RAB27A: variants seen among roughly 807,000 people sequenced by gnomAD.
RAB27A encodes ras-related protein Rab-27A.
In RAB27A, 17 loss-of-function variants were observed where a neutral mutation model predicts 20.8. That is an observed-to-expected ratio of 0.82 (90% confidence interval 0.56 to 1.23). RAB27A has a LOEUF of 1.23. Ranked by LOEUF, RAB27A falls within the 50% of genes most tolerant of loss-of-function variation. The pLI, the probability that RAB27A is intolerant of heterozygous loss-of-function variation, is 0.00. For synonymous variants in RAB27A, 85 were observed against 92.8 expected (o/e 0.92, Z 0.48); for missense variants, 277 against 266.7 (o/e 1.04, Z -0.27).
chr15:55,297,959 T>G (rs1349617744), intron 2 of RAB27A, among the ~76,000 whole-genome samples: 1 of 151,984 alleles, frequency 6.6e-6, no homozygotes, highest in Non-Finnish European at 1.5e-5. Flanking sequence ...TCCCAGCACT[T>G]TGGGAGGCCG....
intron 1 of RAB27A, among the ~76,000 whole-genome samples, chr15:55,280,843 T>C (rs545313937): frequency 6.6e-6 from 1 of 152,300 alleles, no homozygotes; most frequent in Non-Finnish European, 1.5e-5. Context: ...GAACTCATCC[T>C]TTTTTATGGC....
In RAB27A at chr15:55,205,509, A is replaced by T; in HGVS notation, c.664T>A (p.Ter222ArgextTer4). The change falls in exon 7 of 7, where the codon TGA becomes AGA. Residue 222 changes from the stop codon to arginine (R), a stop_lost. Transcript: ENST00000336787. ...TACTATGTCGCTTACTTGACTTCTC[A>T]ACAGCCACATGCCCCTTTCTCCTTT... ...EEKEKGACGC[*>R] is the part of the protein sequence containing the mutation. 2 of 1,613,878 alleles carry T rather than the reference A, an allele frequency of 1.2e-6. No homozygotes were observed. The highest frequency in any genetic ancestry group is 1.7e-6 in the Non-Finnish European group (2 of 1,179,822).
At position 55,203,017 on chromosome 15, in the gene RAB27A, C is replaced by T. The variant is rs1315375991; in HGVS notation, c.*2490G>A. 6.6e-6 allele frequency: 1 copy of T among 152,164 alleles called. No individual in the cohort carries two copies. The highest frequency in any genetic ancestry group is 6.5e-5 in the Admixed American group (1 of 15,276). The allele number at this position is 152,164 out of a possible 1,614,324, so 9.4% of individuals were successfully genotyped here. On this transcript the variant is annotated 3_prime_UTR_variant, in exon 7 of 7. Coordinates refer to ENST00000336787, the MANE Select transcript of RAB27A (RefSeq NM_183235.3). ...TACAGCTTAATTGGCACATGGTTCA[C>T]TGAAGATACACTTCACTTTTACATA...
chr15:55,237,537 T>C (rs1896309213), intron 2 of RAB27A: 1 of 152,196 alleles, frequency 6.6e-6, no homozygotes, highest in Non-Finnish European at 1.5e-5. Context: ...TTTGCAAGTA[T>C]AGGTCACCAG....
Position 55,209,813 on chromosome 15 carries a change from C to CAT in RAB27A, c.468-4110_468-4109dup, listed in dbSNP as rs1555391641. Among the ~76,000 whole-genome samples the CAT allele has an allele frequency of 7.4e-5, 8 of 108,234 alleles. 1 individual carries two copies. The highest frequency in any genetic ancestry group is 4.9e-4 in the South Asian group (2 of 4,092). 71.0% of individuals were successfully genotyped at this position (108,234 alleles called of 152,430 possible). ...GTGTGTATGTATACATATATACACACATGTGTGTATATATACATATATGTG... is the reference window on the plus strand; with the variant it reads ...GTGTGTATGTATACATATATACACACATATGTGTGTATATATACATATATGTG... On this transcript the variant is annotated intron_variant, in intron 6 of 6. Coordinates refer to ENST00000336787, the MANE Select transcript of RAB27A (RefSeq NM_183235.3).
At position 55,203,583 on chromosome 15, in the gene RAB27A, T is replaced by C. The variant is rs1011975281; in HGVS notation, c.*1924A>G. On this transcript the variant is annotated 3_prime_UTR_variant, in exon 7 of 7. Coordinates refer to ENST00000336787, the MANE Select transcript of RAB27A (RefSeq NM_183235.3). ...GTGCCCACCACCACGCCCAGCCCAT[T>C]TTTTTTTTTTTTTTTTTTTTAGTAG... 2 of 127,518 alleles carry C rather than the reference T, an allele frequency of 1.6e-5. No homozygotes were observed. Among genetic ancestry groups the C allele is most frequent in the Admixed American group, 7.6e-5 (1 of 13,222 alleles). The allele number at this position is 127,518 out of a possible 1,614,324, so 7.9% of individuals were successfully genotyped here.
intron 2 of RAB27A, among the ~76,000 whole-genome samples, chr15:55,303,790 G>C (rs1314912169): frequency 8.0e-6 from 1 of 125,684 alleles, no homozygotes; most frequent in African/African-American, 3.3e-5. Flanking sequence ...AGGGAGGTGG[G>C]GGGGTCAGCC....
chr15:55,293,043 T>C (rs925135890), upstream of RAB27A, among the ~76,000 whole-genome samples: 2 of 152,198 alleles, frequency 1.3e-5, no homozygotes, highest in African/African-American at 4.8e-5. Flanking sequence ...TCTACGCCAC[T>C]TCTTACTGCA....
rs533069997 is a variant in RAB27A, at chr15:55,218,003, T to A, written c.467+5886A>T. On this transcript the variant is annotated intron_variant, in intron 6 of 6. Transcript: ENST00000336787. ...CATTTGCAGTTTTTCACCAAGATCT[T>A]GCTTGTGGCGTAGGTCAGCATCCTG... Among the ~76,000 whole-genome samples, 17 of 152,336 alleles carry A rather than the reference T, an allele frequency of 1.1e-4. No homozygotes were observed. In the East Asian group the frequency reaches 2.9e-3, roughly 26 times the overall value.
intron 6 of RAB27A, among the ~76,000 whole-genome samples, chr15:55,221,332 T>A (rs959498096): frequency 6.6e-6 from 1 of 152,150 alleles, no homozygotes; most frequent in Admixed American, 6.5e-5. Flanking sequence ...TGCTCTAGGA[T>A]CCATGGTTTC....
At chr15:55,263,141 T>A (rs958272745) in intron 2 of RAB27A, among the ~76,000 whole-genome samples, 1 of 152,214 alleles carries the variant, frequency 6.6e-6, no homozygotes, top group African/African-American at 2.4e-5. Context: ...TGGTTTCTGC[T>A]CTTTTCTCAT....
chr15:55,253,955 ATGTT>A (rs1896990443), intron 2 of RAB27A, among the ~76,000 whole-genome samples: 3 of 152,328 alleles, frequency 2.0e-5, no homozygotes, highest in South Asian at 4.1e-4. Flanking sequence ...TTCAGAAACT[ATGTT>A]TGAGTGTTCA....
chr15:55,259,498 G>A (rs1008361108), intron 2 of RAB27A, among the ~76,000 whole-genome samples: 3 of 151,150 alleles, frequency 2.0e-5, no homozygotes, highest in African/African-American at 7.3e-5. Flanking sequence ...TGTTGCCCAA[G>A]CTAGTCTTGA....
intron 2 of RAB27A, among the ~76,000 whole-genome samples, chr15:55,263,613 G>C (rs972620889): frequency 6.6e-6 from 1 of 152,142 alleles, no homozygotes; most frequent in Non-Finnish European, 1.5e-5. Context: ...TCTGAAGAGA[G>C]ACAAGGAATA....
At chr15:55,312,157 G>C (rs1013908684) in intron 2 of RAB27A, among the ~76,000 whole-genome samples, 3 of 152,350 alleles carry the variant, frequency 2.0e-5, no homozygotes, top group Middle Eastern at 6.8e-3. Flanking sequence ...GAGTGGCAAT[G>C]GGCGCCTCGC....
chr15:55,213,745 G>C (rs1457067350), intron 6 of RAB27A, among the ~76,000 whole-genome samples: 1 of 152,184 alleles, frequency 6.6e-6, no homozygotes, highest in Non-Finnish European at 1.5e-5. Flanking sequence ...ATCTGTCACT[G>C]TCTCCTATCA....
At chr15:55,250,042 A>T (rs1335491126) in intron 2 of RAB27A, among the ~76,000 whole-genome samples, 1 of 152,040 alleles carries the variant, frequency 6.6e-6, no homozygotes, top group Admixed American at 6.5e-5. Context: ...GGCTCACTGA[A>T]ACCACCACCT....
In RAB27A at chr15:55,299,305, G is replaced by A. The variant is rs545913876; in HGVS notation, c.-112+14734C>T. Among the ~76,000 whole-genome samples the A allele has an allele frequency of 6.0e-4, 92 of 152,226 alleles. No individual in the cohort carries two copies. The South Asian group carries it at 0.016, about 27-fold the overall frequency. ...CTCCATTTGGGGCCCCTGACTTCCCGCAACAGGGCCGGCCACGGTGCCTCA... is the reference window on the plus strand; with the variant it reads ...CTCCATTTGGGGCCCCTGACTTCCCACAACAGGGCCGGCCACGGTGCCTCA... On this transcript the variant is annotated intron_variant, in intron 2 of 5. Transcript: ENST00000563262.
At chr15:55,297,320 A>G (rs1054003209) in intron 2 of RAB27A, among the ~76,000 whole-genome samples, 2 of 152,264 alleles carry the variant, frequency 1.3e-5, no homozygotes, top group Admixed American at 1.3e-4. Flanking sequence ...CATAAGATGC[A>G]TGAAGGACAT....
Sources: allele counts gnomAD v4.1 joint callset (sites outside exome capture counted in the v4.1 genomes callset), GRCh38; gene constraint gnomAD v4.1.1; transcripts MANE v1.5; gene names NCBI Gene and HGNC (gene_info 2026-07-23, HGNC 2026-07-21).